The following PYGL variants were observed in gnomAD, a reference collection of about 807,000 sequenced individuals.
PYGL encodes the protein glycogen phosphorylase L.
PYGL carries 90 observed loss-of-function variants against 100.1 expected under a neutral mutation model. The observed-to-expected ratio is 0.90, with a 90% CI of 0.76 to 1.07. PYGL has a LOEUF of 1.07. Among genes scored for constraint, PYGL ranks in the 50% least tolerant of loss-of-function variants. The pLI, the probability that PYGL is intolerant of heterozygous loss-of-function variation, is 0.00. For missense variants in PYGL, 1,016 were observed against 1,057.6 expected, an observed-to-expected ratio of 0.96 and a Z score of 0.55; for synonymous variants, 373 against 393.0, an observed-to-expected ratio of 0.95 and a Z score of 0.60.
At chr14:50,926,153 G>A (rs2050545737) in intron 4 of PYGL, among the ~76,000 whole-genome samples, 1 of 152,036 alleles carries the variant, frequency 6.6e-6, no homozygotes, top group African/African-American at 2.4e-5. Context: ...GAGTTTGAGA[G>A]CAGCCTGGGC....
At chr14:50,930,692 A>C (rs1321102726) in intron 4 of PYGL, among the ~76,000 whole-genome samples, 3 of 152,172 alleles carry the variant, frequency 2.0e-5, no homozygotes, top group Admixed American at 2.0e-4. Flanking sequence ...ATCTTCCTTT[A>C]TCCTGGCACA....
chr14:50,935,250 A>C, intron 2 of PYGL, 65 bp from the exon 3 acceptor site: 8 of 1,273,282 alleles, frequency 6.3e-6, no homozygotes, highest in Non-Finnish European at 9.2e-6. Context: ...AGGGACAGCC[A>C]TTTCCTACAG....
intron 17 of PYGL, 23 bp downstream of exon 17, chr14:50,909,872 G>A (rs749927466): frequency 6.2e-6 from 10 of 1,613,246 alleles, no homozygotes; most frequent in Non-Finnish European, 1.7e-6. Context: ...GTCCTGCCTA[G>A]CAAAGAGAAG....
Position 50,912,280 on chromosome 14 carries a change from C to T in PYGL, c.1644G>A (p.Gln548=). 6.2e-7 allele frequency: 1 copy of T among 1,614,148 alleles called. No homozygotes were observed. Among genetic ancestry groups the T allele is most frequent in the Non-Finnish European group, 8.5e-7 (1 of 1,179,972 alleles). Residue 548 remains glutamine (Q), a synonymous_variant, in exon 14 of 20, where the codon CAG becomes CAA. Coordinates refer to ENST00000216392, the MANE Select transcript of PYGL (RefSeq NM_002863.5). ...VKQENKLKFS[Q]FLETEYKVKI... is the part of the protein sequence containing the mutation. Reference sequence around the variant, plus strand: ...TCACTTTGTACTCCGTCTCCAGGAACTGAGAAAACTTCAGCTTATTCTCCT... The same window carrying T: ...TCACTTTGTACTCCGTCTCCAGGAATTGAGAAAACTTCAGCTTATTCTCCT...
chr14:50,910,139 T>C lies in PYGL; in HGVS notation c.1970-37A>G. 3.8e-6 allele frequency: 6 copies of C among 1,572,172 alleles called. No individual in the cohort carries two copies. The South Asian group carries it at 6.7e-5, about 17-fold the overall frequency. The stretch of plus-strand genomic sequence containing the variant: ...GTAAGTTAAAATTAGTAATTTTGTC[T>C]GTCTAGATCTGCTTGTATTGTATTG... On this transcript the variant is annotated intron_variant, in intron 16 of 19. Transcript: ENST00000216392.
At chr14:50,935,327 C>G (rs565418322) in intron 2 of PYGL, 142 bp from the exon 3 acceptor site, 8 of 732,722 alleles carry the variant, frequency 1.1e-5, no homozygotes, top group African/African-American at 8.6e-5. Context: ...GCAGCTTGTT[C>G]TGGCATCAGG....
chr14:50,944,024 A>G, intron 1 of PYGL, 137 bp downstream of exon 1: 2 of 1,205,494 alleles, frequency 1.7e-6, no homozygotes. Context: ...CAGCCTAGAC[A>G]CGTCTCCTCT....
intron 4 of PYGL, among the ~76,000 whole-genome samples, chr14:50,929,655 T>G (rs745482236): frequency 3.9e-5 from 6 of 152,128 alleles, no homozygotes; most frequent in Non-Finnish European, 8.8e-5. Context: ...TGGAGTATAG[T>G]GAGTAGCGCA....
intron 19 of PYGL, among the ~76,000 whole-genome samples, chr14:50,906,237 CTA>C (rs1481858642): frequency 2.0e-5 from 3 of 152,104 alleles, no homozygotes; most frequent in Admixed American, 6.5e-5. Context: ...GTAAGGAACT[CTA>C]AAAGTGTATT....
intron 12 of PYGL, among the ~76,000 whole-genome samples, chr14:50,914,226 T>C (rs921713899): frequency 1.3e-5 from 2 of 152,228 alleles, no homozygotes; most frequent in African/African-American, 4.8e-5. Context: ...CTATGTGTGA[T>C]GGCTCATGCC....
At chr14:50,920,520 A>G in intron 7 of PYGL, 21 bp downstream of exon 7, 1 of 1,591,966 alleles carries the variant, frequency 6.3e-7, no homozygotes, top group Non-Finnish European at 8.6e-7. Context: ...TGCCACTAAG[A>G]AAGCAACCTT....
chr14:50,939,988 C>A (rs543815557), intron 1 of PYGL, among the ~76,000 whole-genome samples: 30 of 152,322 alleles, frequency 2.0e-4, no homozygotes, highest in East Asian at 5.8e-4. Context: ...AACGGGCCAC[C>A]TAACACTGCT....
intron 10 of PYGL, 125 bp downstream of exon 10, chr14:50,915,700 C>G (rs567667508): frequency 1.4e-6 from 2 of 1,447,268 alleles, no homozygotes; most frequent in Admixed American, 3.9e-5. Flanking sequence ...GAGCCCCGTT[C>G]GGACTTGAGT....
In PYGL at chr14:50,914,832, C is replaced by T. The variant is rs1464727363; in HGVS notation, c.1404-17G>A. 1 of 1,587,434 alleles carries T rather than the reference C, an allele frequency of 6.3e-7. No individual in the cohort carries two copies. The highest frequency in any genetic ancestry group is 2.2e-5 in the East Asian group (1 of 44,742). On this transcript the variant is annotated splice_polypyrimidine_tract_variant and intron_variant, in intron 11 of 19. Transcript: ENST00000216392. ...TCCTTGAATCTGGAGATGGAGGAGA[C>T]ACATCACTGAATTTGGCTGAAACGG...
chr14:50,930,613 A>G (rs1467350451), intron 4 of PYGL, among the ~76,000 whole-genome samples: 1 of 151,972 alleles, frequency 6.6e-6, no homozygotes, highest in African/African-American at 2.4e-5. Flanking sequence ...TTTTTGGTTC[A>G]CAAAGAATCC....
rs369508494 is a variant in PYGL at position 50,913,099 on chromosome 14, C to T, written c.1550G>A (p.Ser517Asn). The T allele has an allele frequency of 6.2e-7, 1 of 1,614,012 alleles. No homozygotes were observed. The highest frequency in any genetic ancestry group is 8.5e-7 in the Non-Finnish European group (1 of 1,179,892). ...GAAGCTGTGGAGCTTCGTCAGCTGG[C>T]TCAGGTCTTTCACATAGTCTTCTCC... is the stretch of plus-strand genomic sequence containing the variant. ...KIGEDYVKDL[S>N]QLTKLHSFLG... is the part of the protein sequence containing the mutation. The change falls in exon 13 of 20, where the codon AGC becomes AAC. Residue 517 changes from serine to asparagine, a missense_variant. Coordinates refer to ENST00000216392, the MANE Select transcript of PYGL (RefSeq NM_002863.5).
In PYGL at chr14:50,944,306, T is replaced by C. The variant is rs772594764; in HGVS notation, c.98A>G (p.Asn33Ser). The part of the protein sequence containing the change: ...ENVAELKKSF[N>S]RHLHFTLVKD... Reference sequence around the variant, plus strand: ...GACCAGCGTGAAGTGCAGGTGCCGGTTGAAACTCTTCTTCAGCTCTGCCAC... The same window carrying C: ...GACCAGCGTGAAGTGCAGGTGCCGGCTGAAACTCTTCTTCAGCTCTGCCAC... The change falls in exon 1 of 20, where the codon AAC becomes AGC. Residue 33 changes from asparagine to serine, a missense_variant. Coordinates refer to ENST00000216392, the MANE Select transcript of PYGL (RefSeq NM_002863.5). The C allele has an allele frequency of 3.1e-6, 5 of 1,613,836 alleles. No homozygotes were observed. Among genetic ancestry groups the C allele is most frequent in the South Asian group, 2.2e-5 (2 of 91,086 alleles).
chr14:50,918,460 TGTG>T (rs1286654525), intron 7 of PYGL, among the ~76,000 whole-genome samples: 1 of 152,180 alleles, frequency 6.6e-6, no homozygotes, highest in African/African-American at 2.4e-5. Flanking sequence ...AACAACAATA[TGTG>T]GTATATATAT....
chr14:50,938,949 T>C (rs1448109505), intron 1 of PYGL, among the ~76,000 whole-genome samples: 1 of 152,152 alleles, frequency 6.6e-6, no homozygotes, highest in Non-Finnish European at 1.5e-5. Context: ...ACACAAAGAT[T>C]AACTCCCACA....
Sources: gnomAD v4.1 joint callset for allele counts (sites outside exome capture counted in the v4.1 genomes callset) on GRCh38, gnomAD v4.1.1 for gene constraint, MANE v1.5 for transcripts, NCBI Gene and HGNC (gene_info 2026-07-23, HGNC 2026-07-21) for gene names.